NSMCE2: variants seen among roughly 807,000 people sequenced by gnomAD.
The protein encoded by NSMCE2 is NSE2 SUMO ligase component of SMC5/6 complex.
In NSMCE2, 24 loss-of-function variants were observed where a neutral mutation model predicts 23.8. The ratio of observed to expected loss-of-function variants is 1.01; its 90% confidence interval spans 0.73 to 1.42. The LOEUF is 1.42. Among genes scored for constraint, NSMCE2 ranks in the 40% most tolerant of loss-of-function variants. The probability of loss-of-function intolerance (pLI) is 0.00; values close to 1 mark genes in which losing one functional copy is unlikely to be tolerated. For synonymous variants in NSMCE2, 92 were observed against 94.1 expected (o/e 0.98, Z 0.13); for missense variants, 284 against 296.5 (o/e 0.96, Z 0.31).
At chr8:125,345,029 T>TAAA (rs564327400) in intron 5 of NSMCE2, among the ~76,000 whole-genome samples, 1 of 133,274 alleles carries the variant, frequency 7.5e-6, no homozygotes, top group Non-Finnish European at 1.6e-5. Flanking sequence ...TCAACAAACT[T>TAAA]AAAAAAAAAA....
chr8:125,359,536 T>G (rs1563805370), intron 7 of NSMCE2, among the ~76,000 whole-genome samples: 1 of 152,012 alleles, frequency 6.6e-6, no homozygotes, highest in Non-Finnish European at 1.5e-5. Context: ...TTTCTCCATG[T>G]TGGCCAGGCT....
chr8:125,246,000 G>A (rs1238761470), intron 5 of NSMCE2, among the ~76,000 whole-genome samples: 1 of 151,800 alleles, frequency 6.6e-6, no homozygotes, highest in African/African-American at 2.4e-5. Flanking sequence ...CTCCAGCCTG[G>A]GCAACAGAGC....
At chr8:125,156,363 A>G (rs948952563) in intron 4 of NSMCE2, 2 of 155,524 alleles carry the variant, frequency 1.3e-5, no homozygotes, top group African/African-American at 4.8e-5. Flanking sequence ...GAAAAATCCA[A>G]GTATGTCTTC....
At chr8:125,187,480 C>G (rs1219224326) in intron 5 of NSMCE2, among the ~76,000 whole-genome samples, 1 of 152,156 alleles carries the variant, frequency 6.6e-6, no homozygotes, top group Non-Finnish European at 1.5e-5. Flanking sequence ...TTTCTCTTCT[C>G]CTTGCCTTAA....
chr8:125,185,441 G>A (rs1408286779), intron 5 of NSMCE2, among the ~76,000 whole-genome samples: 1 of 152,058 alleles, frequency 6.6e-6, no homozygotes, highest in East Asian at 1.9e-4. Flanking sequence ...CAAGTAGCTG[G>A]GATTATACGT....
intron 3 of NSMCE2, chr8:125,124,143 G>A (rs1819403822): frequency 6.6e-6 from 1 of 152,160 alleles, no homozygotes; most frequent in Non-Finnish European, 1.5e-5. Context: ...ATGGAGTAAT[G>A]TAATATGTGG....
chr8:125,094,094 A>G (rs1214347830), intron 1 of NSMCE2, among the ~76,000 whole-genome samples: 5 of 151,816 alleles, frequency 3.3e-5, no homozygotes, highest in Admixed American at 2.0e-4. Flanking sequence ...ATGAGCCACC[A>G]CACCCAGCCT....
At chr8:125,296,857 A>C (rs1828350684) in intron 5 of NSMCE2, among the ~76,000 whole-genome samples, 1 of 152,252 alleles carries the variant, frequency 6.6e-6, no homozygotes, top group South Asian at 2.1e-4. Flanking sequence ...AAAATGAATC[A>C]GAGAATTTGC....
At chr8:125,308,623 C>T (rs1427041083) in intron 5 of NSMCE2, among the ~76,000 whole-genome samples, 2 of 152,120 alleles carry the variant, frequency 1.3e-5, no homozygotes, top group Non-Finnish European at 2.9e-5. Context: ...GTTTAACTTC[C>T]ACAGAGTTGA....
intron 5 of NSMCE2, among the ~76,000 whole-genome samples, chr8:125,256,961 A>AAAAAAAAAG (rs1554626869): frequency 9.0e-6 from 1 of 110,806 alleles, no homozygotes; most frequent in African/African-American, 3.4e-5. Context: ...AAAAAAAAAG[A>AAAAAAAAAG]GGGCTGAAGG....
intron 5 of NSMCE2, among the ~76,000 whole-genome samples, chr8:125,306,275 AGCC>A (rs1478305412): frequency 6.6e-6 from 1 of 152,132 alleles, no homozygotes; most frequent in East Asian, 1.9e-4. Context: ...GGCTGCAGTA[AGCC>A]ATGATTGCCC....
chr8:125,096,944 T>G (rs755260243), intron 1 of NSMCE2, among the ~76,000 whole-genome samples: 2 of 151,986 alleles, frequency 1.3e-5, no homozygotes, highest in Non-Finnish European at 1.5e-5. Flanking sequence ...CGTGACTCCA[T>G]TATAACTTTC....
intron 5 of NSMCE2, among the ~76,000 whole-genome samples, chr8:125,218,942 A>G (rs1046177115): frequency 9.2e-5 from 14 of 152,132 alleles, no homozygotes; most frequent in Admixed American, 8.5e-4. Context: ...TCTACTATAT[A>G]AGGACTCCAT....
intron 5 of NSMCE2, among the ~76,000 whole-genome samples, chr8:125,347,698 G>A (rs1421717527): frequency 6.6e-6 from 1 of 152,236 alleles, no homozygotes; most frequent in Non-Finnish European, 1.5e-5. Context: ...AGCTAAAAGA[G>A]TGTGGGTATA....
chr8:125,190,189 C>T (rs756086305), intron 5 of NSMCE2, among the ~76,000 whole-genome samples: 1 of 152,242 alleles, frequency 6.6e-6, no homozygotes, highest in Non-Finnish European at 1.5e-5. Context: ...CTTTCCTCCT[C>T]TCTGAGTCAG....
At chr8:125,145,893 G>A (rs1820646253) in intron 3 of NSMCE2, among the ~76,000 whole-genome samples, 1 of 152,148 alleles carries the variant, frequency 6.6e-6, no homozygotes, top group Non-Finnish European at 1.5e-5. Context: ...AGTTGACTTA[G>A]TTATTCTCCT....
chr8:125,104,015 A>G (rs1372149454), intron 3 of NSMCE2, among the ~76,000 whole-genome samples: 5 of 135,720 alleles, frequency 3.7e-5, no homozygotes, highest in African/African-American at 1.1e-4. Context: ...TTTCAGCCGG[A>G]ATTTTGCTCT....
At chr8:125,096,887 G>A (rs1466350468) in intron 1 of NSMCE2, among the ~76,000 whole-genome samples, 2 of 152,122 alleles carry the variant, frequency 1.3e-5, no homozygotes, top group African/African-American at 4.8e-5. Context: ...TGGGATTACA[G>A]GCGGGAGCCA....
chr8:125,215,336 C>T (rs1824531730), intron 5 of NSMCE2, among the ~76,000 whole-genome samples: 1 of 150,512 alleles, frequency 6.6e-6, no homozygotes, highest in Admixed American at 6.6e-5. Context: ...ATGATGATTT[C>T]CAATTTCATC....
Sources: allele counts gnomAD v4.1 joint callset (sites outside exome capture counted in the v4.1 genomes callset), GRCh38; gene constraint gnomAD v4.1.1; transcripts MANE v1.5; gene names NCBI Gene and HGNC (gene_info 2026-07-23, HGNC 2026-07-21).